Variants in RPGRIP1L observed in about 807,000 individuals in gnomAD.
RPGRIP1L encodes RPGRIP1 like, also known as protein fantom.
RPGRIP1L carries 131 observed loss-of-function variants against 160.4 expected under a neutral mutation model. That is an observed-to-expected ratio of 0.82 (90% CI 0.71 to 0.94). RPGRIP1L has a LOEUF of 0.94. Among genes scored for constraint, RPGRIP1L ranks in the 40% least tolerant of loss-of-function variants. The pLI, the probability that RPGRIP1L is intolerant of heterozygous loss-of-function variation, is 0.00. For synonymous variants in RPGRIP1L, 510 were observed against 515.8 expected (o/e 0.99, Z 0.15); for missense variants, 1,522 against 1,535.8 (o/e 0.99, Z 0.15).
chr16:53,666,104 C>T (rs1002570674), intron 9 of RPGRIP1L, among the ~76,000 whole-genome samples: 16 of 152,064 alleles, frequency 1.1e-4, no homozygotes, highest in Non-Finnish European at 1.8e-4. Context: ...GGAAAAGAAA[C>T]ATATTACTGG....
intron 24 of RPGRIP1L, among the ~76,000 whole-genome samples, chr16:53,614,997 A>G (rs1033757875): frequency 6.6e-6 from 1 of 152,222 alleles, no homozygotes; most frequent in African/African-American, 2.4e-5. Context: ...GCTTAATTAT[A>G]AGGAGTCGAT....
intron 10 of RPGRIP1L, among the ~76,000 whole-genome samples, chr16:53,662,099 C>T (rs1478346069): frequency 1.3e-5 from 2 of 152,142 alleles, no homozygotes; most frequent in African/African-American, 4.8e-5. Flanking sequence ...AAAAGCAGGT[C>T]AAGCTAAACA....
intron 24 of RPGRIP1L, among the ~76,000 whole-genome samples, chr16:53,618,242 C>T (rs185412273): frequency 9.9e-4 from 151 of 152,258 alleles, no homozygotes; most frequent in Middle Eastern, 6.8e-3. Flanking sequence ...AGAACTTATG[C>T]TTCACTCAAT....
chr16:53,652,468 G>T, intron 15 of RPGRIP1L, 67 bp downstream of exon 15: 1 of 1,196,996 alleles, frequency 8.4e-7, no homozygotes, highest in South Asian at 1.2e-5. Context: ...TAGTAATGTA[G>T]AGTACCATAA....
At position 53,652,639 on chromosome 16, in the gene RPGRIP1L, T is replaced by C; in HGVS notation, c.2048A>G (p.His683Arg). Residue 683 changes from histidine to arginine, a missense_variant, in exon 15 of 27, where the codon CAC becomes CGC. His to Arg is a conservative substitution (Grantham distance 29, BLOSUM62 0). Transcript: ENST00000647211. The part of the protein sequence containing the change: ...IQKNTITLEV[H>R]QAYSTEYETI... Reference sequence around the variant, plus strand: ...TTCATATTCTGTGCTATAAGCCTGGTGGACCTCAAGGGTGATAGTATTCTT... The same window carrying C: ...TTCATATTCTGTGCTATAAGCCTGGCGGACCTCAAGGGTGATAGTATTCTT... 6.2e-7 allele frequency: 1 copy of C among 1,613,944 alleles called. No individual in the cohort carries two copies. The highest frequency in any genetic ancestry group is 1.1e-5 in the South Asian group (1 of 91,082).
chr16:53,616,774 C>T (rs1216759581), intron 24 of RPGRIP1L, among the ~76,000 whole-genome samples: 1 of 151,794 alleles, frequency 6.6e-6, no homozygotes, highest in Non-Finnish European at 1.5e-5. Context: ...AAAAAACAAA[C>T]CAAAATGCAC....
chr16:53,626,810 A>G (rs1965215066), intron 22 of RPGRIP1L, among the ~76,000 whole-genome samples: 1 of 151,492 alleles, frequency 6.6e-6, no homozygotes, highest in African/African-American at 2.4e-5. Context: ...GTCTCTCAAA[A>G]AAAAAAAAAA....
intron 11 of RPGRIP1L, 91 bp from the exon 12 acceptor site, chr16:53,658,555 A>AACTG: frequency 2.8e-6 from 3 of 1,070,942 alleles, no homozygotes; most frequent in South Asian, 2.6e-5. Flanking sequence ...ATGAAACATA[A>AACTG]ACTGACTGAT....
At chr16:53,610,273 G>A (rs1159338489) in intron 25 of RPGRIP1L, among the ~76,000 whole-genome samples, 3 of 151,472 alleles carry the variant, frequency 2.0e-5, no homozygotes, top group Non-Finnish European at 4.4e-5. Flanking sequence ...TTTCTCTACT[G>A]AACCAGAATT....
At chr16:53,636,238 CAT>C (rs1190190919) in intron 22 of RPGRIP1L, among the ~76,000 whole-genome samples, 199 bp downstream of exon 22, 1 of 152,106 alleles carries the variant, frequency 6.6e-6, no homozygotes, top group Non-Finnish European at 1.5e-5. Context: ...ATAATACTTA[CAT>C]GTTATAGTCC....
At chr16:53,606,072 T>C (rs1279826300) in intron 25 of RPGRIP1L, among the ~76,000 whole-genome samples, 3 of 152,204 alleles carry the variant, frequency 2.0e-5, no homozygotes, top group Non-Finnish European at 4.4e-5. Context: ...CAAAACTGTA[T>C]GTGTTCTACA....
At chr16:53,695,958 A>G (rs1299300699) in intron 3 of RPGRIP1L, 193 bp downstream of exon 3, 1 of 558,198 alleles carries the variant, frequency 1.8e-6, no homozygotes, top group Non-Finnish European at 3.2e-6. Context: ...ATTCAGACAT[A>G]ATAAACACTC....
In RPGRIP1L at chr16:53,664,969, C is replaced by G; in HGVS notation, c.1144G>C (p.Glu382Gln). The change falls in exon 10 of 27, where the codon GAG becomes CAG. Residue 382 changes from glutamate (E) to glutamine (Q), a missense_variant. By Grantham distance (29) the Glu-to-Gln change is conservative. Coordinates refer to ENST00000647211, the MANE Select transcript of RPGRIP1L (RefSeq NM_015272.5). ...GCAATCTGCACTTTCAGCTGTTGCT[C>G]CTTTAACTTCCATTGCTCTTCATGG... ...AAHEEQWKLK[E>Q]QQLKVQIAQL... 1 of 1,613,624 alleles carries G rather than the reference C, an allele frequency of 6.2e-7. No homozygotes were observed. Among genetic ancestry groups the G allele is most frequent in the Non-Finnish European group, 8.5e-7 (1 of 1,179,910 alleles).
At chr16:53,617,590 T>C (rs1191186774) in intron 24 of RPGRIP1L, among the ~76,000 whole-genome samples, 2 of 152,174 alleles carry the variant, frequency 1.3e-5, no homozygotes, top group Non-Finnish European at 2.9e-5. Flanking sequence ...CCTGTTATTG[T>C]AGAATTTAAG....
chr16:53,643,399 A>T (rs1363096974), intron 17 of RPGRIP1L, among the ~76,000 whole-genome samples: 1 of 152,122 alleles, frequency 6.6e-6, no homozygotes, highest in Non-Finnish European at 1.5e-5. Context: ...AAACTGTGTA[A>T]ATGCTCAGGA....
intron 6 of RPGRIP1L, among the ~76,000 whole-genome samples, chr16:53,683,652 G>T (rs920638971): frequency 1.1e-4 from 16 of 148,092 alleles, no homozygotes; most frequent in Non-Finnish European, 1.8e-4. Flanking sequence ...GTATGTGGGG[G>T]TTCAATATAC....
chr16:53,666,432 A>C (rs541338427), intron 9 of RPGRIP1L, among the ~76,000 whole-genome samples: 47 of 152,248 alleles, frequency 3.1e-4, no homozygotes, highest in Non-Finnish European at 5.4e-4. Flanking sequence ...TCCAAATAAA[A>C]TATGTATTTT....
rs557647126 is a variant in RPGRIP1L at position 53,648,667 on chromosome 16, T to C, written c.2304+297A>G. ...ACACACACACACACACAAAAGTGCA[T>C]GTAAAAACTGACGAAATCTGAGTAA... is the stretch of plus-strand genomic sequence containing the variant. On this transcript the variant is annotated intron_variant, in intron 16 of 26. Coordinates refer to ENST00000647211, the MANE Select transcript of RPGRIP1L (RefSeq NM_015272.5). Among the ~76,000 whole-genome samples, 316 of 130,992 alleles carry C rather than the reference T, an allele frequency of 2.4e-3. 1 individual carries two copies. The highest frequency in any genetic ancestry group is 4.9e-3 in the Non-Finnish European group (280 of 57,392). The allele number at this position is 130,992 out of a possible 152,430, so 85.9% of individuals were successfully genotyped here.
At chr16:53,634,577 C>A (rs554059307) in intron 22 of RPGRIP1L, among the ~76,000 whole-genome samples, 1 of 152,074 alleles carries the variant, frequency 6.6e-6, no homozygotes, top group Non-Finnish European at 1.5e-5. Flanking sequence ...AAATCCCACA[C>A]GAATAGATTA....
Sources: allele counts gnomAD v4.1 joint callset (sites outside exome capture counted in the v4.1 genomes callset), GRCh38; gene constraint gnomAD v4.1.1; transcripts MANE v1.5; gene names NCBI Gene and HGNC (gene_info 2026-07-23, HGNC 2026-07-21).